Variants in KIF13A observed in about 807,000 individuals in gnomAD.
The protein encoded by KIF13A is kinesin-like protein KIF13A.
KIF13A carries 79 observed loss-of-function variants against 212.2 expected under a neutral mutation model. The observed-to-expected ratio is 0.37, with a 90% CI of 0.31 to 0.45. The LOEUF is 0.45. Among genes scored for constraint, KIF13A ranks in the 20% least tolerant of loss-of-function variants. The pLI is 1.00. For synonymous variants in KIF13A, 789 were observed against 808.6 expected (o/e 0.98, Z 0.41); for missense variants, 1,901 against 2,209.0 (o/e 0.86, Z 2.79).
rs191952674 is a variant in KIF13A, at chr6:17,904,018, G to T, written c.147-5838C>A. Reference sequence around the variant, plus strand: ...AAATAAAAAAAAAAAGTAGTTGGGTGTGGTGGCACATGCTTGTAATCCCAG... The same window carrying T: ...AAATAAAAAAAAAAAGTAGTTGGGTTTGGTGGCACATGCTTGTAATCCCAG... On this transcript the variant is annotated intron_variant, in intron 2 of 38. Transcript: ENST00000259711. 1.5e-4 allele frequency among the ~76,000 whole-genome samples: 23 copies of T among 152,038 alleles called. 1 individual carries two copies. In the East Asian group the frequency reaches 3.9e-3, roughly 26 times the overall value.
chr6:17,908,920 T>C (rs1034406167), intron 2 of KIF13A, among the ~76,000 whole-genome samples: 1 of 152,174 alleles, frequency 6.6e-6, no homozygotes, highest in Admixed American at 6.5e-5. Flanking sequence ...CAATCCTAGC[T>C]CTGCCTTGAT....
chr6:17,772,027 C>A lies in KIF13A; in HGVS notation c.4357G>T (p.Val1453Phe), dbSNP rs372447677. 6.2e-7 allele frequency: 1 copy of A among 1,613,804 alleles called. No homozygotes were observed. Among genetic ancestry groups the A allele is most frequent in the Non-Finnish European group, 8.5e-7 (1 of 1,179,812 alleles). ...GGAGAGAATGCTTTAAAAGGGCTGA[C>A]GGTTAAGGCATGAGGAGTCTCTGAT... is the stretch of plus-strand genomic sequence containing the variant. ...CTSETPHALTVSPFKAFSPQP... is the reference protein window; with the variant it reads ...CTSETPHALTFSPFKAFSPQP... The change falls in exon 37 of 39, where the codon GTC (valine) becomes TTC (phenylalanine). Residue 1453 changes from valine to phenylalanine, a missense_variant. Physicochemically the swap from Val to Phe is conservative, Grantham distance 50. Around this residue, in one of 5 missense-constraint regions of KIF13A, gnomAD observed 687 missense variants for 759.1 expected, o/e 0.90. Transcript: ENST00000259711. This position sits in a 1 kb window ranked among gnomAD's most constrained non-coding sequence, Gnocchi z 4.8.
At chr6:17,818,210 C>T (rs558653229) in intron 16 of KIF13A, among the ~76,000 whole-genome samples, 1 of 152,324 alleles carries the variant, frequency 6.6e-6, no homozygotes, top group African/African-American at 2.4e-5. Flanking sequence ...CAGCCTGGGA[C>T]ATGATTTTCT....
downstream of KIF13A, chr6:17,761,023 C>A: frequency 1.4e-6 from 1 of 715,988 alleles, no homozygotes; most frequent in South Asian, 1.9e-5. Context: ...ATTATGGAAT[C>A]CAGTGCTGGA....
chr6:17,771,146 C>A lies in KIF13A; in HGVS notation c.4549G>T (p.Val1517Leu). 1 of 1,613,084 alleles carries A rather than the reference C, an allele frequency of 6.2e-7. No homozygotes were observed. Among genetic ancestry groups the A allele is most frequent in the Non-Finnish European group, 8.5e-7 (1 of 1,179,370 alleles). The change falls in exon 38 of 39, where the codon GTA becomes TTA. Residue 1517 changes from valine to leucine, a missense_variant. By Grantham distance (32) the Val-to-Leu change is conservative. Coordinates refer to ENST00000259711, the MANE Select transcript of KIF13A (RefSeq NM_022113.6). The surrounding 1 kb of genome is among the most constrained non-coding windows in gnomAD (Gnocchi z 5.4). ...PSGSNGSSMPVEHNSKREKKI... is the reference protein window; with the variant it reads ...PSGSNGSSMPLEHNSKREKKI... ...TTCTCACGTTTGCTATTGTGTTCTA[C>A]TGGCATGCTGCTGCCATTGCTTCCT...
Position 17,839,188 on chromosome 6 carries a change from G to T in KIF13A, c.831-1605C>A, listed in dbSNP as rs770574189. 5.3e-5 allele frequency among the ~76,000 whole-genome samples: 8 copies of T among 152,116 alleles called. No homozygotes were observed. Among genetic ancestry groups the T allele is most frequent in the Non-Finnish European group, 1.0e-4 (7 of 68,032 alleles). ...AGGTGACGGATACCTTAAAAGCCCC[G>T]ACTTGACCACTGCACAATCTGTGCC... On this transcript the variant is annotated intron_variant, in intron 9 of 38. Coordinates refer to ENST00000259711, the MANE Select transcript of KIF13A (RefSeq NM_022113.6). The surrounding 1 kb of genome is among the most constrained non-coding windows in gnomAD (Gnocchi z 4.3).
rs764515972 is a variant in KIF13A at position 17,773,275 on chromosome 6, A to C, written c.4324+203T>G. Reference sequence around the variant, plus strand: ...AGTAATACACAAAAAGTCTATGATTATTTGGGTGATATGTTGGATACAAAA... The same window carrying C: ...AGTAATACACAAAAAGTCTATGATTCTTTGGGTGATATGTTGGATACAAAA... On this transcript the variant is annotated intron_variant, in intron 36 of 38. Coordinates refer to ENST00000259711, the MANE Select transcript of KIF13A (RefSeq NM_022113.6). The surrounding 1 kb of genome is among the most constrained non-coding windows in gnomAD (Gnocchi z 4.2). 2.4e-4 allele frequency among the ~76,000 whole-genome samples: 36 copies of C among 152,366 alleles called. No homozygotes were observed. Among genetic ancestry groups the C allele is most frequent in the Admixed American group, 7.2e-4 (11 of 15,308 alleles).
At chr6:17,793,536 T>G (rs185617584) in intron 25 of KIF13A, among the ~76,000 whole-genome samples, 1 of 152,136 alleles carries the variant, frequency 6.6e-6, no homozygotes, top group South Asian at 2.1e-4. Context: ...AAAATGATCA[T>G]AAGGACAAAT....
rs1055906030 is a variant in KIF13A, at chr6:17,871,838, C to T, written c.220+1539G>A. Reference sequence around the variant, plus strand: ...CATCTTGAGTAACATAAATTGAACACGGTTAATGACGGGTTTGTATAACCA... The same window carrying T: ...CATCTTGAGTAACATAAATTGAACATGGTTAATGACGGGTTTGTATAACCA... On this transcript the variant is annotated intron_variant, in intron 4 of 38. Transcript: ENST00000259711. This position sits in a 1 kb window ranked among gnomAD's most constrained non-coding sequence, Gnocchi z 4.4. 3.3e-5 allele frequency among the ~76,000 whole-genome samples: 5 copies of T among 152,148 alleles called. No individual in the cohort carries two copies. Among genetic ancestry groups the T allele is most frequent in the East Asian group, 1.9e-4 (1 of 5,202 alleles).
rs936874373 is a variant in KIF13A at position 17,872,290 on chromosome 6, C to G, written c.220+1087G>C. Reference sequence around the variant, plus strand: ...TAAACTAGTCATGTGCTTTTACCTCCAAATCTTTTAAGGCCAATATCCTCC... The same window carrying G: ...TAAACTAGTCATGTGCTTTTACCTCGAAATCTTTTAAGGCCAATATCCTCC... On this transcript the variant is annotated intron_variant, in intron 4 of 38. Transcript: ENST00000259711. This position sits in a 1 kb window ranked among gnomAD's most constrained non-coding sequence, Gnocchi z 4.7. Among the ~76,000 whole-genome samples, 1 of 152,126 alleles carries G rather than the reference C, an allele frequency of 6.6e-6. No individual in the cohort carries two copies. The highest frequency in any genetic ancestry group is 1.5e-5 in the Non-Finnish European group (1 of 68,014).
At chr6:17,909,253 T>C (rs767796223) in intron 2 of KIF13A, among the ~76,000 whole-genome samples, 21 of 152,244 alleles carry the variant, frequency 1.4e-4, no homozygotes, top group Middle Eastern at 3.4e-3. Flanking sequence ...GAAAGGTTTT[T>C]GGCTGGGTGC....
At position 17,898,163 on chromosome 6, in the gene KIF13A, C is replaced by T; in HGVS notation, c.159+5G>A. Reference sequence around the variant, plus strand: ...ATACATGCCAAATTTCATATTAGTGCTTACCTTGGGAGGTTTCCTTAATGA... The same window carrying T: ...ATACATGCCAAATTTCATATTAGTGTTTACCTTGGGAGGTTTCCTTAATGA... On this transcript the variant is annotated splice_donor_5th_base_variant and intron_variant, in intron 3 of 38. Coordinates refer to ENST00000259711, the MANE Select transcript of KIF13A (RefSeq NM_022113.6). The surrounding 1 kb of genome is among the most constrained non-coding windows in gnomAD (Gnocchi z 5.2). The T allele has an allele frequency of 6.2e-7, 1 of 1,612,628 alleles. No individual in the cohort carries two copies.
Position 17,940,817 on chromosome 6 carries a change from A to T in KIF13A, c.147-42637T>A, listed in dbSNP as rs1313572186. ...GTTAGGACTTAACACATGTAAATTT[A>T]TTTTTTTTTTTTTTTTTTTTTTTTT... On this transcript the variant is annotated intron_variant, in intron 2 of 38. Coordinates refer to ENST00000259711, the MANE Select transcript of KIF13A (RefSeq NM_022113.6). Among the ~76,000 whole-genome samples the T allele has an allele frequency of 1.3e-3, 183 of 140,418 alleles. 1 individual carries two copies. The highest frequency in any genetic ancestry group is 3.0e-3 in the African/African-American group (113 of 37,652). 92.1% of individuals were successfully genotyped at this position (140,418 alleles called of 152,430 possible). A position where few individuals can be genotyped will look rare whatever the true frequency, so the allele number is the denominator to read the frequency against.
At chr6:17,792,319 C>T (rs886786851) in intron 25 of KIF13A, among the ~76,000 whole-genome samples, 3 of 151,906 alleles carry the variant, frequency 2.0e-5, no homozygotes, top group Admixed American at 6.6e-5. Context: ...AGCACACAGC[C>T]GATGTTTTTA....
In KIF13A at chr6:17,895,783, C is replaced by A. The variant is rs986214176; in HGVS notation, c.159+2385G>T. Among the ~76,000 whole-genome samples the A allele has an allele frequency of 2.0e-5, 3 of 152,160 alleles. No individual in the cohort carries two copies. The highest frequency in any genetic ancestry group is 2.1e-4 in the South Asian group (1 of 4,834). ...TTTCTGGATCTTGGTCTAGTAATTC[C>A]TCACTAACTTGGCTTATCTCCAGTG... On this transcript the variant is annotated intron_variant, in intron 3 of 38. Transcript: ENST00000259711. This position sits in a 1 kb window ranked among gnomAD's most constrained non-coding sequence, Gnocchi z 4.4.
Position 17,987,213 on chromosome 6 carries a change from C to T in KIF13A, c.56-69G>A. 1 of 1,344,286 alleles carries T rather than the reference C, an allele frequency of 7.4e-7. No homozygotes were observed. The highest frequency in any genetic ancestry group is 1.0e-6 in the Non-Finnish European group (1 of 973,964). 83.3% of individuals were successfully genotyped at this position (1,344,286 alleles called of 1,614,324 possible). A position where few individuals can be genotyped will look rare whatever the true frequency, so the allele number is the denominator to read the frequency against. On this transcript the variant is annotated intron_variant, in intron 1 of 38. Transcript: ENST00000259711. The surrounding 1 kb of genome is among the most constrained non-coding windows in gnomAD (Gnocchi z 7.7). ...GCCTCCAGCCCGCCCGCCCGCCAGCCGCGCCGAGCGGGGCTCCGTCCCTGG... is the reference window on the plus strand; with the variant it reads ...GCCTCCAGCCCGCCCGCCCGCCAGCTGCGCCGAGCGGGGCTCCGTCCCTGG...
Position 17,826,694 on chromosome 6 carries a change from C to A in KIF13A, c.1533-570G>T, listed in dbSNP as rs1390734347. 6.6e-6 allele frequency among the ~76,000 whole-genome samples: 1 copy of A among 152,012 alleles called. No homozygotes were observed. The highest frequency in any genetic ancestry group is 1.5e-5 in the Non-Finnish European group (1 of 68,004). Reference sequence around the variant, plus strand: ...AACAATGGTAGGATCTTATCTGGATCCTAATTTCAAGAAACAACTGAAAAA... The same window carrying A: ...AACAATGGTAGGATCTTATCTGGATACTAATTTCAAGAAACAACTGAAAAA... On this transcript the variant is annotated intron_variant, in intron 14 of 38. Coordinates refer to ENST00000259711, the MANE Select transcript of KIF13A (RefSeq NM_022113.6). This position sits in a 1 kb window ranked among gnomAD's most constrained non-coding sequence, Gnocchi z 4.7.
rs1414099848 is a variant in KIF13A, at chr6:17,809,891, G to A, written c.2001-961C>T. On this transcript the variant is annotated intron_variant, in intron 17 of 38. Transcript: ENST00000259711. This position sits in a 1 kb window ranked among gnomAD's most constrained non-coding sequence, Gnocchi z 4.7. The stretch of plus-strand genomic sequence containing the variant: ...CGTCACCTTAGAAATGACAGAAGAC[G>A]CATGCTGTGCGGATGCTAAGGTAAA... Among the ~76,000 whole-genome samples the A allele has an allele frequency of 1.3e-5, 2 of 152,086 alleles. No homozygotes were observed. The highest frequency in any genetic ancestry group is 4.8e-5 in the African/African-American group (2 of 41,414).
chr6:17,972,915 C>G lies in KIF13A; in HGVS notation c.146+14139G>C, dbSNP rs142740247. Among the ~76,000 whole-genome samples, 44 of 151,812 alleles carry G rather than the reference C, an allele frequency of 2.9e-4. No homozygotes were observed. In the East Asian group the frequency reaches 7.9e-3, roughly 27 times the overall value. ...AACAGAGGTTTCCCTCAAGCCTCTT[C>G]TAACAGCAGCCAGTTCATCAAGCCC... On this transcript the variant is annotated intron_variant, in intron 2 of 38. Coordinates refer to ENST00000259711, the MANE Select transcript of KIF13A (RefSeq NM_022113.6).
Sources: allele counts gnomAD v4.1 joint callset (sites outside exome capture counted in the v4.1 genomes callset), GRCh38; gene constraint gnomAD v4.1.1; regional missense constraint gnomAD v4.1.1; non-coding constraint Gnocchi (gnomAD v3.1); transcripts MANE v1.5; gene names NCBI Gene and HGNC (gene_info 2026-07-23, HGNC 2026-07-21).